THADA: variants seen among roughly 807,000 people sequenced by gnomAD.
The protein encoded by THADA is THADA armadillo repeat containing.
In THADA, 213 loss-of-function variants were observed where a neutral mutation model predicts 219.8. The ratio of observed to expected loss-of-function variants is 0.97; its 90% CI spans 0.87 to 1.09. The LOEUF (loss-of-function observed/expected upper bound fraction) is 1.09. Ranked by LOEUF, THADA falls within the 50% of genes least tolerant of loss-of-function variation. The pLI is 0.00. For missense variants in THADA, 2,956 were observed against 2,311.3 expected (o/e 1.28, Z -5.72); for synonymous variants, 1,018 against 828.9 (o/e 1.23, Z -3.92).
chr2:43,287,255 G>C (rs990124916), intron 34 of THADA, among the ~76,000 whole-genome samples, 194 bp from the exon 35 acceptor site: 1 of 152,082 alleles, frequency 6.6e-6, no homozygotes, highest in African/African-American at 2.4e-5. Context: ...CTTGTCTTTC[G>C]GTAAGATGGA....
chr2:43,320,348 TAGA>T lies in THADA; in HGVS notation c.4438+95_4438+97del, dbSNP rs369602467. Reference sequence around the variant, plus strand: ...TGATGTGTGGTTAGTCTTACAAAAGTAGAAGGTGGAGCAGTGTGTGGCAGAGCC... The same window carrying T: ...TGATGTGTGGTTAGTCTTACAAAAGTAGGTGGAGCAGTGTGTGGCAGAGCC... On this transcript the variant is annotated intron_variant, in intron 31 of 37. Transcript: ENST00000405975. 5.1e-4 allele frequency: 403 copies of T among 789,302 alleles called. 1 individual carries two copies. In the African/African-American group the frequency reaches 5.5e-3, roughly 11 times the overall value. The allele number at this position is 789,302 out of a possible 1,614,324, so 48.9% of individuals were successfully genotyped here.
intron 26 of THADA, among the ~76,000 whole-genome samples, chr2:43,453,484 A>G (rs1394920696): frequency 6.6e-6 from 1 of 152,276 alleles, no homozygotes; most frequent in East Asian, 1.9e-4. Flanking sequence ...GAATAAGTAT[A>G]ACTCATTATT....
At chr2:43,550,646 T>G (rs1696641315) in intron 19 of THADA, among the ~76,000 whole-genome samples, 1 of 152,138 alleles carries the variant, frequency 6.6e-6, no homozygotes, top group African/African-American at 2.4e-5. Flanking sequence ...AACTGATACC[T>G]TAAAACTCTT....
intron 30 of THADA, among the ~76,000 whole-genome samples, chr2:43,339,494 G>T (rs754884285): frequency 2.8e-4 from 43 of 152,114 alleles, no homozygotes; most frequent in Non-Finnish European, 5.6e-4. Flanking sequence ...TGGCCAGGCT[G>T]GTCTCAAACT....
rs10201898 is a variant in THADA at position 43,291,746 on chromosome 2, G to A, written c.4960C>T (p.Leu1654=). 5 of 1,553,560 alleles carry A rather than the reference G, an allele frequency of 3.2e-6. No homozygotes were observed. In the East Asian group the frequency reaches 1.2e-4, roughly 37 times the overall value. Residue 1654 remains leucine (L), a synonymous_variant, in exon 34 of 38, where the codon CTG becomes TTG. Coordinates refer to ENST00000405975, the MANE Select transcript of THADA (RefSeq NM_022065.5). ...GAAATGACTTTGGAAGCAAGTCTCAGAGCTACACTCTGAATTTCAGATCTA... is the reference window on the plus strand; with the variant it reads ...GAAATGACTTTGGAAGCAAGTCTCAAAGCTACACTCTGAATTTCAGATCTA... ...NERSEIQSVA[L]RLASKVISHH... is the part of the protein sequence containing the mutation.
chr2:43,580,201 T>TC (rs920683827), intron 8 of THADA, among the ~76,000 whole-genome samples: 1 of 151,226 alleles, frequency 6.6e-6, no homozygotes, highest in Non-Finnish European at 1.5e-5. Flanking sequence ...ATGTTTTTTT[T>TC]TGTATTTTAG....
intron 26 of THADA, among the ~76,000 whole-genome samples, chr2:43,452,126 A>C (rs190910204): frequency 6.6e-6 from 1 of 152,342 alleles, no homozygotes; most frequent in East Asian, 1.9e-4. Context: ...GAAAGAAAAA[A>C]GAAATTGCCC....
Position 43,554,704 on chromosome 2 carries a change from G to A in THADA, c.2674+1641C>T, listed in dbSNP as rs375915104. On this transcript the variant is annotated intron_variant, in intron 17 of 37. Transcript: ENST00000405975. ...CAAGTCTCGGAATTTGTTGGTGAGAGTGTAATTTAAAAGCCTACTTGGCAT... is the reference window on the plus strand; with the variant it reads ...CAAGTCTCGGAATTTGTTGGTGAGAATGTAATTTAAAAGCCTACTTGGCAT... Among the ~76,000 whole-genome samples the A allele has an allele frequency of 7.9e-5, 12 of 152,276 alleles. No individual in the cohort carries two copies. The East Asian group carries it at 1.2e-3, about 15-fold the overall frequency.
chr2:43,285,826 C>T (rs926535447), intron 35 of THADA, among the ~76,000 whole-genome samples: 6 of 152,188 alleles, frequency 3.9e-5, no homozygotes, highest in Non-Finnish European at 7.3e-5. Flanking sequence ...GCTGGGATTA[C>T]AGACGTGAGC....
intron 26 of THADA, among the ~76,000 whole-genome samples, chr2:43,431,880 G>A (rs1381937891): frequency 8.9e-5 from 4 of 44,706 alleles, no homozygotes; most frequent in Non-Finnish European, 1.5e-4. Context: ...TTTTTGAGAC[G>A]GAGTCTCGCT....
chr2:43,403,534 G>C (rs894128752), intron 28 of THADA, among the ~76,000 whole-genome samples: 2 of 152,138 alleles, frequency 1.3e-5, no homozygotes, highest in Non-Finnish European at 2.9e-5. Flanking sequence ...ACAGGAACCA[G>C]AGGCTTCAAA....
At chr2:43,352,695 AAG>A (rs985077455) in intron 29 of THADA, among the ~76,000 whole-genome samples, 26 of 151,906 alleles carry the variant, frequency 1.7e-4, no homozygotes, top group Admixed American at 1.7e-3. Flanking sequence ...GAGAAAGAGA[AAG>A]AGAGAGAGAG....
chr2:43,529,285 T>C (rs916024605), intron 21 of THADA, among the ~76,000 whole-genome samples: 6 of 152,134 alleles, frequency 3.9e-5, no homozygotes, highest in African/African-American at 1.4e-4. Flanking sequence ...ACTCCCACCT[T>C]AGCCTCCTGA....
chr2:43,438,399 T>C (rs772462652), intron 26 of THADA, among the ~76,000 whole-genome samples: 8 of 152,132 alleles, frequency 5.3e-5, no homozygotes, highest in Admixed American at 2.0e-4. Flanking sequence ...TATTGAATCT[T>C]TCAGAATACT....
At chr2:43,275,122 A>G (rs1440334551) in intron 36 of THADA, among the ~76,000 whole-genome samples, 1 of 150,626 alleles carries the variant, frequency 6.6e-6, no homozygotes, top group Non-Finnish European at 1.5e-5. Context: ...CTCCTGCCTC[A>G]GTCTCCAGAG....
At chr2:43,345,605 C>T (rs1228301143) in intron 29 of THADA, among the ~76,000 whole-genome samples, 2 of 152,148 alleles carry the variant, frequency 1.3e-5, no homozygotes, top group South Asian at 2.1e-4. Flanking sequence ...CTGGCTGGAG[C>T]TTCTGTTCTT....
intron 28 of THADA, among the ~76,000 whole-genome samples, chr2:43,423,838 T>C (rs1256043381): frequency 2.0e-5 from 3 of 152,098 alleles, no homozygotes; most frequent in Non-Finnish European, 4.4e-5. Context: ...CCAGGGACTT[T>C]TTGGCCTCTG....
At chr2:43,274,831 C>G (rs6712163) in intron 36 of THADA, among the ~76,000 whole-genome samples, 1 of 151,464 alleles carries the variant, frequency 6.6e-6, no homozygotes. Flanking sequence ...AAAGGTCTTA[C>G]ATATTTTCTT....
intron 31 of THADA, among the ~76,000 whole-genome samples, chr2:43,297,091 G>A (rs1260756241): frequency 9.7e-6 from 1 of 102,868 alleles, no homozygotes; most frequent in African/African-American, 4.4e-5. Context: ...TCTAGGAAGT[G>A]AGGAGCGCCT....
Sources: allele counts gnomAD v4.1 joint callset (sites outside exome capture counted in the v4.1 genomes callset), GRCh38; gene constraint gnomAD v4.1.1; transcripts MANE v1.5; gene names NCBI Gene and HGNC (gene_info 2026-07-23, HGNC 2026-07-21).